The following ADGRB3 variants were observed in gnomAD, a reference collection of about 807,000 sequenced individuals.
ADGRB3 encodes the protein adhesion G protein-coupled receptor B3.
In ADGRB3, 37 loss-of-function variants were observed where a neutral mutation model predicts 193.4. That is an observed-to-expected ratio of 0.19 (90% CI 0.15 to 0.25). ADGRB3 has a LOEUF of 0.25. ADGRB3 is among the 10% of genes least tolerant of loss of function. The probability of loss-of-function intolerance (pLI) is 1.00; values close to 1 mark genes in which losing one functional copy is unlikely to be tolerated. For missense variants in ADGRB3, 1,637 were observed against 1,852.9 expected, an observed-to-expected ratio of 0.88 and a Z score of 2.14; for synonymous variants, 690 against 644.2, an observed-to-expected ratio of 1.07 and a Z score of -1.08.
intron 20 of ADGRB3, among the ~76,000 whole-genome samples, chr6:69,276,784 TA>T (rs1767311827): frequency 1.3e-5 from 2 of 152,238 alleles, no homozygotes; most frequent in South Asian, 4.1e-4. Context: ...CATGCTCCTT[TA>T]TAGTACAGAT....
intron 20 of ADGRB3, among the ~76,000 whole-genome samples, chr6:69,274,107 G>C (rs1166315076): frequency 6.6e-6 from 1 of 152,060 alleles, no homozygotes; most frequent in Non-Finnish European, 1.5e-5. Flanking sequence ...GGCATTTTGA[G>C]CAAAACAAGC....
chr6:69,157,428 A>T (rs772250861), intron 17 of ADGRB3, among the ~76,000 whole-genome samples: 15 of 152,126 alleles, frequency 9.9e-5, no homozygotes, highest in Non-Finnish European at 2.1e-4. Flanking sequence ...CTTGATGGTG[A>T]TATTTCCAAG....
At chr6:69,220,164 A>G (rs1219043770) in intron 17 of ADGRB3, among the ~76,000 whole-genome samples, 2 of 152,024 alleles carry the variant, frequency 1.3e-5, no homozygotes, top group Admixed American at 6.6e-5. Flanking sequence ...TTTTTTAGGT[A>G]CTTTGCTTTC....
chr6:68,778,314 A>G (rs1286515046), intron 3 of ADGRB3, among the ~76,000 whole-genome samples: 1 of 152,126 alleles, frequency 6.6e-6, no homozygotes, highest in Non-Finnish European at 1.5e-5. Flanking sequence ...TGGAAAAACT[A>G]GATCTTTAAA....
intron 17 of ADGRB3, among the ~76,000 whole-genome samples, chr6:69,146,995 G>T (rs1023445127): frequency 5.3e-5 from 8 of 151,436 alleles, no homozygotes; most frequent in Non-Finnish European, 8.8e-5. Flanking sequence ...CTTATCAGTG[G>T]TAATGTCTCC....
intron 17 of ADGRB3, among the ~76,000 whole-genome samples, chr6:69,100,893 GGAAGGAAGAAGC>G (rs2150321346): frequency 2.2e-5 from 3 of 133,428 alleles, no homozygotes; most frequent in Non-Finnish European, 4.9e-5. Context: ...AGGGAAGGAA[GGAAGGAAGAAGC>G]GAGGGAGGGA....
At chr6:69,206,361 C>A (rs1765541363) in intron 17 of ADGRB3, among the ~76,000 whole-genome samples, 1 of 151,980 alleles carries the variant, frequency 6.6e-6, no homozygotes, top group Non-Finnish European at 1.5e-5. Flanking sequence ...CCCACTGACT[C>A]AAATGTTAAT....
Position 68,766,940 on chromosome 6 carries a change from C to CA in ADGRB3, c.757+127516dup, listed in dbSNP as rs539923451. Reference sequence around the variant, plus strand: ...ATACTGGTTTTTCATCCATGGTTCTCAAAAAAAATTGTTATTACACTCTTT... The same window carrying CA: ...ATACTGGTTTTTCATCCATGGTTCTCAAAAAAAAATTGTTATTACACTCTTT... On this transcript the variant is annotated intron_variant, in intron 3 of 31. Coordinates refer to ENST00000370598, the MANE Select transcript of ADGRB3 (RefSeq NM_001704.3). Among the ~76,000 whole-genome samples, 9 of 151,646 alleles carry CA rather than the reference C, an allele frequency of 5.9e-5. No homozygotes were observed. The East Asian group carries it at 9.7e-4, about 16-fold the overall frequency.
chr6:69,159,928 A>C (rs1774939892), intron 17 of ADGRB3, among the ~76,000 whole-genome samples: 2 of 152,132 alleles, frequency 1.3e-5, no homozygotes, highest in Non-Finnish European at 1.5e-5. Flanking sequence ...CCAGTTGATC[A>C]CAGTCCAAAA....
chr6:69,235,589 C>T (rs1403092635), intron 19 of ADGRB3, among the ~76,000 whole-genome samples: 1 of 151,950 alleles, frequency 6.6e-6, no homozygotes, highest in African/African-American at 2.4e-5. Flanking sequence ...ACTAGTGAAC[C>T]CTTCTATGCT....
intron 31 of ADGRB3, among the ~76,000 whole-genome samples, chr6:69,386,067 G>T (rs1770063361): frequency 6.6e-6 from 1 of 152,060 alleles, no homozygotes; most frequent in Non-Finnish European, 1.5e-5. Context: ...GCTGGGAGTG[G>T]CTTGGGATGC....
intron 3 of ADGRB3, among the ~76,000 whole-genome samples, chr6:68,720,608 C>T (rs1765558882): frequency 6.6e-6 from 1 of 151,616 alleles, no homozygotes; most frequent in South Asian, 2.1e-4. Flanking sequence ...GAATCTATTA[C>T]CATTTATAAA....
chr6:69,133,497 A>T (rs889167446), intron 17 of ADGRB3, among the ~76,000 whole-genome samples: 1 of 151,978 alleles, frequency 6.6e-6, no homozygotes, highest in Non-Finnish European at 1.5e-5. Context: ...ACCAAAAAAC[A>T]CCCATGACCA....
intron 3 of ADGRB3, among the ~76,000 whole-genome samples, chr6:68,698,774 T>A (rs1765195105): frequency 6.6e-6 from 1 of 152,034 alleles, no homozygotes; most frequent in Non-Finnish European, 1.5e-5. Flanking sequence ...TTGAGGAAGA[T>A]CTGCTAAATA....
At chr6:68,824,777 A>G (rs1261710283) in intron 3 of ADGRB3, among the ~76,000 whole-genome samples, 1 of 151,384 alleles carries the variant, frequency 6.6e-6, no homozygotes, top group Non-Finnish European at 1.5e-5. Flanking sequence ...TTGCTTTCAC[A>G]TATTTACATT....
At chr6:69,275,145 G>A (rs1324047634) in intron 20 of ADGRB3, among the ~76,000 whole-genome samples, 3 of 152,004 alleles carry the variant, frequency 2.0e-5, no homozygotes, top group African/African-American at 7.3e-5. Context: ...TATGATGTAG[G>A]GCTGAGATGC....
chr6:69,204,017 A>G (rs1765486372), intron 17 of ADGRB3, among the ~76,000 whole-genome samples: 1 of 152,068 alleles, frequency 6.6e-6, no homozygotes, highest in Non-Finnish European at 1.5e-5. Flanking sequence ...TTTTTTTAAC[A>G]ATCCCAAAGC....
chr6:69,144,627 A>G (rs182061580), intron 17 of ADGRB3, among the ~76,000 whole-genome samples: 21 of 152,266 alleles, frequency 1.4e-4, no homozygotes, highest in African/African-American at 4.8e-4. Flanking sequence ...AAGACTGTTG[A>G]ATATTATCAG....
At chr6:68,926,654 T>C (rs186563060) in intron 3 of ADGRB3, among the ~76,000 whole-genome samples, 19 of 152,308 alleles carry the variant, frequency 1.2e-4, no homozygotes, top group African/African-American at 4.1e-4. Context: ...CATTGCTAGA[T>C]AGATTACAGT....
Sources: gnomAD v4.1 joint callset for allele counts (sites outside exome capture counted in the v4.1 genomes callset) on GRCh38, gnomAD v4.1.1 for gene constraint, MANE v1.5 for transcripts, NCBI Gene and HGNC (gene_info 2026-07-23, HGNC 2026-07-21) for gene names.